The following ARHGAP18 variants were observed in gnomAD, a reference collection of about 807,000 sequenced individuals.
ARHGAP18 encodes rho GTPase-activating protein 18.
A neutral mutation model predicts 86.2 loss-of-function variants in ARHGAP18; 67 were observed. The observed-to-expected ratio is 0.78, with a 90% CI of 0.64 to 0.95. The LOEUF is 0.95. ARHGAP18 is among the 40% of genes least tolerant of loss of function. The pLI is 0.00. For missense variants in ARHGAP18, 691 were observed against 780.4 expected (o/e 0.89, Z 1.37); for synonymous variants, 283 against 280.4 (o/e 1.01, Z -0.09).
At chr6:129,681,901 G>A (rs1774330651) in intron 1 of ARHGAP18, among the ~76,000 whole-genome samples, 1 of 152,068 alleles carries the variant, frequency 6.6e-6, no homozygotes, top group Non-Finnish European at 1.5e-5. Flanking sequence ...GAAGTTTCAG[G>A]CAGCTACACA....
intron 12 of ARHGAP18, among the ~76,000 whole-genome samples, chr6:129,597,986 C>T (rs1788654237): frequency 2.0e-5 from 3 of 151,932 alleles, no homozygotes; most frequent in Admixed American, 2.0e-4. Context: ...AAAGGTACAC[C>T]CCAAATGTTT....
intron 1 of ARHGAP18, among the ~76,000 whole-genome samples, chr6:129,664,577 C>T (rs1324797071): frequency 6.6e-6 from 1 of 152,110 alleles, no homozygotes; most frequent in Non-Finnish European, 1.5e-5. Flanking sequence ...TCATCATTTT[C>T]CATGAGATCA....
chr6:129,646,394 G>A (rs1483506230), intron 1 of ARHGAP18, among the ~76,000 whole-genome samples: 1 of 152,090 alleles, frequency 6.6e-6, no homozygotes, highest in Non-Finnish European at 1.5e-5. Context: ...CCCTCCCACT[G>A]TTTAATAAGG....
chr6:129,649,916 T>TG (rs970254034), intron 1 of ARHGAP18, among the ~76,000 whole-genome samples: 4 of 148,210 alleles, frequency 2.7e-5, no homozygotes, highest in African/African-American at 7.4e-5. Context: ...TTTTTTTTGT[T>TG]TTTTTTTTTT....
chr6:129,607,860 A>G (rs777691994), intron 9 of ARHGAP18, 33 bp downstream of exon 9: 3 of 1,551,990 alleles, frequency 1.9e-6, no homozygotes, highest in Non-Finnish European at 2.6e-6. Context: ...TGGCACCAGC[A>G]GAAGGACTGC....
chr6:129,704,006 A>G lies in ARHGAP18; in HGVS notation c.113+6018T>C, dbSNP rs574993683. ...TATATATATGATCAGGTAATAATAC[A>G]CTAATTCAGAATGAAGAAACTTTTT... is the stretch of plus-strand genomic sequence containing the variant. On this transcript the variant is annotated intron_variant, in intron 1 of 14. Transcript: ENST00000368149. Among the ~76,000 whole-genome samples, 132 of 151,960 alleles carry G rather than the reference A, an allele frequency of 8.7e-4. 1 individual carries two copies. The highest frequency in any genetic ancestry group is 3.0e-3 in the African/African-American group (125 of 41,464).
chr6:129,704,633 C>T (rs1774774617), intron 1 of ARHGAP18, among the ~76,000 whole-genome samples: 1 of 152,116 alleles, frequency 6.6e-6, no homozygotes, highest in African/African-American at 2.4e-5. Flanking sequence ...GCCCTAATGT[C>T]AAAAGATTCC....
At chr6:129,651,467 G>C (rs1773708924) in intron 1 of ARHGAP18, among the ~76,000 whole-genome samples, 1 of 152,014 alleles carries the variant, frequency 6.6e-6, no homozygotes, top group Admixed American at 6.6e-5. Context: ...CTTACTCTCT[G>C]GTTGGGTGCC....
chr6:129,659,660 T>C (rs6918406), intron 1 of ARHGAP18, among the ~76,000 whole-genome samples: 63,799 of 151,830 alleles, frequency 0.42, 13,886 homozygotes, highest in African/African-American at 0.52. Flanking sequence ...TTAGTAGAGA[T>C]GGGGTTTCGG....
intron 12 of ARHGAP18, among the ~76,000 whole-genome samples, chr6:129,594,435 T>A (rs1364432612): frequency 6.6e-6 from 1 of 152,168 alleles, no homozygotes; most frequent in Non-Finnish European, 1.5e-5. Flanking sequence ...TGGCCCATAC[T>A]TAAACATTGG....
At position 129,629,647 on chromosome 6, in the gene ARHGAP18, G is replaced by A. The variant is rs556927135; in HGVS notation, c.617-125C>T. 7.4e-5 allele frequency: 73 copies of A among 981,392 alleles called. 1 individual carries two copies. The Admixed American group carries it at 1.6e-3, about 21-fold the overall frequency. The allele number at this position is 981,392 out of a possible 1,614,324, so 60.8% of individuals were successfully genotyped here. A position where few individuals can be genotyped will look rare whatever the true frequency, so the allele number is the denominator to read the frequency against. ...TATTTTCTCTAGGCAATACTTAGCCGTTATTTTAATACTAAAGAGTATACT... is the reference window on the plus strand; with the variant it reads ...TATTTTCTCTAGGCAATACTTAGCCATTATTTTAATACTAAAGAGTATACT... On this transcript the variant is annotated intron_variant, in intron 4 of 14. Coordinates refer to ENST00000368149, the MANE Select transcript of ARHGAP18 (RefSeq NM_033515.3).
At chr6:129,652,982 A>T (rs913629382) in intron 1 of ARHGAP18, among the ~76,000 whole-genome samples, 8 of 152,204 alleles carry the variant, frequency 5.3e-5, no homozygotes, top group Non-Finnish European at 7.3e-5. Flanking sequence ...GCTAATAAAA[A>T]CATCAACACA....
intron 12 of ARHGAP18, among the ~76,000 whole-genome samples, chr6:129,597,520 C>T (rs992071603): frequency 9.9e-5 from 15 of 152,074 alleles, no homozygotes; most frequent in Admixed American, 5.9e-4. Flanking sequence ...CTCTCTCATG[C>T]TTACTTCCTG....
intron 12 of ARHGAP18, among the ~76,000 whole-genome samples, chr6:129,590,445 TATGTGTA>T (rs1322291762): frequency 3.3e-5 from 5 of 152,198 alleles, no homozygotes; most frequent in Non-Finnish European, 1.5e-5. Context: ...TTTTCACGTA[TATGTGTA>T]ATGTTAGGTA....
intron 1 of ARHGAP18, among the ~76,000 whole-genome samples, chr6:129,681,077 G>C (rs148058367): frequency 6.6e-6 from 1 of 151,942 alleles, no homozygotes; most frequent in Non-Finnish European, 1.5e-5. Context: ...AGTTTTTTTT[G>C]CTGTTGTTGT....
Position 129,686,972 on chromosome 6 carries a change from T to C in ARHGAP18, c.113+23052A>G, listed in dbSNP as rs1562724918. ...CACCTGGCTAATTTTTTTTTCTTTT[T>C]TTTTTCTTTTTTTTTTTTTTTTTTG... On this transcript the variant is annotated intron_variant, in intron 1 of 14. Transcript: ENST00000368149. Among the ~76,000 whole-genome samples, 3 of 50,716 alleles carry C rather than the reference T, an allele frequency of 5.9e-5. No individual in the cohort carries two copies. In the East Asian group the frequency reaches 1.2e-3, roughly 21 times the overall value. The allele number at this position is 50,716 out of a possible 152,430, so 33.3% of individuals were successfully genotyped here.
At chr6:129,685,195 TA>T (rs376866518) in intron 1 of ARHGAP18, among the ~76,000 whole-genome samples, 3 of 152,216 alleles carry the variant, frequency 2.0e-5, no homozygotes, top group African/African-American at 7.2e-5. Context: ...ACCATAACTA[TA>T]CCTACTCTCA....
chr6:129,587,527 T>G (rs145126507), intron 12 of ARHGAP18, among the ~76,000 whole-genome samples: 52 of 152,302 alleles, frequency 3.4e-4, no homozygotes, highest in African/African-American at 1.2e-3. Flanking sequence ...AATTGATTCA[T>G]AGCTCCTCAT....
At chr6:129,621,930 C>T (rs1458316287) in intron 5 of ARHGAP18, among the ~76,000 whole-genome samples, 4 of 141,336 alleles carry the variant, frequency 2.8e-5, no homozygotes, top group Non-Finnish European at 3.2e-5. Flanking sequence ...TCTCCTAAAT[C>T]GTAAGTTTTG....
Sources: gnomAD v4.1 joint callset for allele counts (sites outside exome capture counted in the v4.1 genomes callset) on GRCh38, gnomAD v4.1.1 for gene constraint, MANE v1.5 for transcripts, NCBI Gene and HGNC (gene_info 2026-07-23, HGNC 2026-07-21) for gene names.